Variants in TJP1 observed in about 807,000 individuals in gnomAD.
TJP1 encodes tight junction protein ZO-1.
In TJP1, 43 loss-of-function variants were observed where a neutral mutation model predicts 194.2. The ratio of observed to expected loss-of-function variants is 0.22; its 90% CI spans 0.17 to 0.29. TJP1 has a LOEUF of 0.29. TJP1 is among the 10% of genes least tolerant of loss of function. The probability of loss-of-function intolerance (pLI) is 1.00; values close to 1 mark genes in which losing one functional copy is unlikely to be tolerated. For synonymous variants in TJP1, 801 were observed against 779.0 expected (o/e 1.03, Z -0.47); for missense variants, 1,971 against 2,185.7 (o/e 0.90, Z 1.96).
chr15:29,744,783 T>A (rs1174005942), intron 8 of TJP1, among the ~76,000 whole-genome samples: 3 of 152,178 alleles, frequency 2.0e-5, no homozygotes, highest in African/African-American at 7.2e-5. Context: ...CAATTATCAA[T>A]ACTCTAGTCA....
chr15:29,719,721 T>C, intron 20 of TJP1, 56 bp downstream of exon 20: 1 of 1,572,486 alleles, frequency 6.4e-7, no homozygotes, highest in Non-Finnish European at 8.6e-7. Context: ...GCAAAAATGA[T>C]CATGTGCCAG....
chr15:29,738,291 A>G (rs1439734862), intron 10 of TJP1, among the ~76,000 whole-genome samples: 3 of 152,174 alleles, frequency 2.0e-5, no homozygotes, highest in Non-Finnish European at 4.4e-5. Context: ...AGAAGTGTAG[A>G]AAAAAATCCC....
intron 2 of TJP1, among the ~76,000 whole-genome samples, chr15:29,842,497 C>T (rs150826049): frequency 5.2e-4 from 79 of 152,196 alleles, no homozygotes; most frequent in African/African-American, 1.8e-3. Flanking sequence ...TGGGACCAAG[C>T]AGACACCATG....
intron 2 of TJP1, among the ~76,000 whole-genome samples, chr15:29,788,070 T>C (rs567563034): frequency 8.5e-5 from 13 of 152,358 alleles, no homozygotes; most frequent in Admixed American, 2.0e-4. Context: ...CTAATGATAC[T>C]GAACATCTTT....
chr15:29,815,175 A>C, intron 1 of TJP1, among the ~76,000 whole-genome samples: 1 of 152,236 alleles, frequency 6.6e-6, no homozygotes, highest in East Asian at 1.9e-4. Context: ...GAGCAACCTG[A>C]AGCCACTCTT....
chr15:29,859,603 C>A (rs1455293431), intron 2 of TJP1, among the ~76,000 whole-genome samples: 1 of 152,020 alleles, frequency 6.6e-6, no homozygotes, highest in Non-Finnish European at 1.5e-5. Flanking sequence ...AACCGGGTTC[C>A]TCAGAGCCAT....
upstream of TJP1, among the ~76,000 whole-genome samples, chr15:29,825,421 G>A (rs1011959965): frequency 6.6e-6 from 1 of 152,074 alleles, no homozygotes; most frequent in Admixed American, 6.6e-5. Flanking sequence ...AACTGAACAG[G>A]AAACTAAAAA....
At chr15:29,740,363 C>T (rs1052972343) in intron 10 of TJP1, among the ~76,000 whole-genome samples, 1 of 152,100 alleles carries the variant, frequency 6.6e-6, no homozygotes, top group African/African-American at 2.4e-5. Context: ...CAGTGGCTCA[C>T]ATCTGTAATC....
intron 2 of TJP1, among the ~76,000 whole-genome samples, chr15:29,949,035 C>T (rs1044537779): frequency 6.6e-6 from 1 of 150,944 alleles, no homozygotes; most frequent in African/African-American, 2.4e-5. Context: ...CAAACACCCA[C>T]CACCATCACC....
intron 23 of TJP1, among the ~76,000 whole-genome samples, chr15:29,714,697 C>T (rs11632848): frequency 0.087 from 12,983 of 149,860 alleles, 635 homozygotes; most frequent in East Asian, 0.11. Context: ...CCCGCCACCA[C>T]GCCCCGCTGA....
chr15:29,746,275 G>C (rs886863789), intron 8 of TJP1, among the ~76,000 whole-genome samples: 4 of 152,086 alleles, frequency 2.6e-5, no homozygotes, highest in African/African-American at 9.7e-5. Flanking sequence ...CTACTCTGGA[G>C]GCTGAGGCAG....
chr15:29,814,589 C>G (rs1199716596), intron 1 of TJP1, among the ~76,000 whole-genome samples: 2 of 151,832 alleles, frequency 1.3e-5, no homozygotes, highest in Non-Finnish European at 2.9e-5. Context: ...CTAAGATAAC[C>G]AAGAAGAAAA....
At chr15:29,743,695 C>A (rs2044577135) in intron 8 of TJP1, among the ~76,000 whole-genome samples, 1 of 152,072 alleles carries the variant, frequency 6.6e-6, no homozygotes, top group Non-Finnish European at 1.5e-5. Flanking sequence ...CCACTACACT[C>A]CAGCCTAGGC....
intron 2 of TJP1, among the ~76,000 whole-genome samples, chr15:29,948,830 C>T (rs1017567456): frequency 2.0e-5 from 3 of 152,014 alleles, no homozygotes; most frequent in African/African-American, 7.3e-5. Context: ...AACATTTCAA[C>T]GACCTCAGAA....
rs2046318517 is a variant in TJP1 at position 29,766,189 on chromosome 15, G to C, written c.589+77C>G. On this transcript the variant is annotated intron_variant, in intron 5 of 27. Coordinates refer to ENST00000614355, the MANE Select transcript of TJP1 (RefSeq NM_001330239.4). ...AGACAACAAAGCAAAGACATGAAGA[G>C]ACAGCAACTGTACTTCTCATTAAAA... 2.6e-6 allele frequency: 4 copies of C among 1,521,210 alleles called. No homozygotes were observed. The African/African-American group carries it at 5.6e-5, about 21-fold the overall frequency. 94.2% of individuals were successfully genotyped at this position (1,521,210 alleles called of 1,614,324 possible).
At chr15:29,907,202 G>A (rs1156868320) in intron 2 of TJP1, among the ~76,000 whole-genome samples, 1 of 152,034 alleles carries the variant, frequency 6.6e-6, no homozygotes, top group Non-Finnish European at 1.5e-5. Context: ...GAGGTCAGGA[G>A]ATCGAGACCA....
intron 1 of TJP1, among the ~76,000 whole-genome samples, chr15:29,820,295 G>C (rs1465958879): frequency 6.6e-6 from 1 of 151,750 alleles, no homozygotes; most frequent in Non-Finnish European, 1.5e-5. Context: ...ACGGAAACAG[G>C]TCACTGAATA....
intron 2 of TJP1, among the ~76,000 whole-genome samples, chr15:29,831,795 G>A (rs2050845146): frequency 6.6e-6 from 1 of 152,146 alleles, no homozygotes; most frequent in Non-Finnish European, 1.5e-5. Flanking sequence ...CAGTTGAAAT[G>A]ACATGTTTGG....
chr15:29,946,999 A>G (rs1338988266), intron 2 of TJP1, among the ~76,000 whole-genome samples: 1 of 152,210 alleles, frequency 6.6e-6, no homozygotes, highest in East Asian at 1.9e-4. Context: ...ATCTTTTTGT[A>G]TTTTAACCAT....
Sources: gnomAD v4.1 joint callset for allele counts (sites outside exome capture counted in the v4.1 genomes callset) on GRCh38, gnomAD v4.1.1 for gene constraint, MANE v1.5 for transcripts, NCBI Gene and HGNC (gene_info 2026-07-23, HGNC 2026-07-21) for gene names.